The following LRP1B variants were observed in gnomAD, a reference collection of about 807,000 sequenced individuals.
LRP1B encodes the protein LDL receptor related protein 1B, also known as low-density lipoprotein receptor-related protein 1B.
Under a neutral mutation model 556.6 loss-of-function variants are expected in LRP1B, and 217 were observed. The ratio of observed to expected loss-of-function variants is 0.39; its 90% CI spans 0.35 to 0.44. The LOEUF is 0.44. Ranked by LOEUF, LRP1B falls within the 20% of genes least tolerant of loss-of-function variation. LRP1B has a pLI of 1.00. For missense variants in LRP1B, 5,053 were observed against 5,620.8 expected (o/e 0.90, Z 3.23); for synonymous variants, 2,047 against 1,865.8 (o/e 1.10, Z -2.50).
intron 41 of LRP1B, among the ~76,000 whole-genome samples, chr2:140,655,847 G>T (rs1001744858): frequency 6.6e-6 from 1 of 151,924 alleles, no homozygotes; most frequent in South Asian, 2.1e-4. Flanking sequence ...GGAAGCTGGC[G>T]CAGGAGAGTG....
intron 1 of LRP1B, among the ~76,000 whole-genome samples, chr2:142,094,152 A>T (rs1388324405): frequency 1.3e-5 from 2 of 152,058 alleles, no homozygotes; most frequent in Non-Finnish European, 2.9e-5. Context: ...GCCGTGACTT[A>T]ATCACCTGCC....
intron 2 of LRP1B, among the ~76,000 whole-genome samples, chr2:141,784,518 G>A (rs1411046864): frequency 6.6e-6 from 1 of 151,840 alleles, no homozygotes; most frequent in Non-Finnish European, 1.5e-5. Context: ...TTCCATATAA[G>A]AAGTGGGGTT....
In LRP1B at chr2:140,521,934, A is replaced by C. The variant is rs548898294; in HGVS notation, c.8026+3910T>G. Among the ~76,000 whole-genome samples the C allele has an allele frequency of 2.0e-5, 3 of 152,146 alleles. No individual in the cohort carries two copies. In the East Asian group the frequency reaches 5.8e-4, roughly 29 times the overall value. ...TAGAAAAAAATAAAGAAGAGCACCT[A>C]GATTCATAAAACTAGTACTTCTAGA... is the stretch of plus-strand genomic sequence containing the variant. On this transcript the variant is annotated intron_variant, in intron 49 of 90. Transcript: ENST00000389484.
chr2:140,328,898 A>T (rs1680642193), intron 79 of LRP1B, among the ~76,000 whole-genome samples: 1 of 152,000 alleles, frequency 6.6e-6, no homozygotes, highest in Admixed American at 6.6e-5. Flanking sequence ...ATTCATATCC[A>T]CTTTATTTAA....
chr2:141,151,147 T>C (rs770708005), intron 7 of LRP1B, among the ~76,000 whole-genome samples: 1 of 152,088 alleles, frequency 6.6e-6, no homozygotes, highest in Non-Finnish European at 1.5e-5. Context: ...AAAATAATGG[T>C]TTATTTCTAG....
At chr2:141,989,377 G>A in intron 1 of LRP1B, among the ~76,000 whole-genome samples, 1 of 151,204 alleles carries the variant, frequency 6.6e-6, no homozygotes, top group South Asian at 2.1e-4. Context: ...GAAAGTCAAG[G>A]GTCATCATTC....
chr2:142,019,251 T>C (rs1349381386), intron 1 of LRP1B, among the ~76,000 whole-genome samples: 1 of 152,208 alleles, frequency 6.6e-6, no homozygotes, highest in Admixed American at 6.5e-5. Flanking sequence ...TAGTCTAAAT[T>C]ATTGAAGAGG....
intron 44 of LRP1B, among the ~76,000 whole-genome samples, 157 bp from the exon 45 acceptor site, chr2:140,541,255 G>A (rs1363771125): frequency 6.6e-6 from 1 of 151,996 alleles, no homozygotes. Context: ...CATTCCTAAG[G>A]CTAAGTACAT....
At chr2:140,575,381 T>C (rs781528304) in intron 43 of LRP1B, among the ~76,000 whole-genome samples, 1 of 152,180 alleles carries the variant, frequency 6.6e-6, no homozygotes, top group Non-Finnish European at 1.5e-5. Context: ...ACATGAGTAA[T>C]CCATATAGAC....
chr2:141,692,561 CTTCCATTGCCCCTG>C (rs1558808089), intron 2 of LRP1B, among the ~76,000 whole-genome samples: 1 of 151,956 alleles, frequency 6.6e-6, no homozygotes, highest in Non-Finnish European at 1.5e-5. Flanking sequence ...AGCCTAAGGG[CTTCCATTGCCCCTG>C]TTCTTAACCT....
intron 3 of LRP1B, among the ~76,000 whole-genome samples, chr2:141,463,837 G>A (rs1383088999): frequency 5.7e-5 from 8 of 139,474 alleles, no homozygotes; most frequent in Non-Finnish European, 1.2e-4. Flanking sequence ...TATATAATTG[G>A]ATAATATTAC....
chr2:140,704,933 C>T (rs1057011112), intron 37 of LRP1B, among the ~76,000 whole-genome samples: 1 of 152,002 alleles, frequency 6.6e-6, no homozygotes, highest in African/African-American at 2.4e-5. Flanking sequence ...GTGTTTATTG[C>T]TATTAAAAGT....
At chr2:140,547,603 C>T (rs1355108490) in intron 43 of LRP1B, among the ~76,000 whole-genome samples, 1 of 151,552 alleles carries the variant, frequency 6.6e-6, no homozygotes, top group East Asian at 1.9e-4. Context: ...TTCAGAAAAC[C>T]AGCCCCTGGT....
At chr2:142,122,883 G>A (rs780345365) in intron 1 of LRP1B, among the ~76,000 whole-genome samples, 2 of 151,970 alleles carry the variant, frequency 1.3e-5, no homozygotes, top group Non-Finnish European at 2.9e-5. Context: ...TAAAAGCTTT[G>A]GAAATGCACA....
chr2:141,341,359 G>A (rs1688048108), intron 3 of LRP1B, among the ~76,000 whole-genome samples: 1 of 152,080 alleles, frequency 6.6e-6, no homozygotes, highest in African/African-American at 2.4e-5. Flanking sequence ...TAAAAACAAA[G>A]TTATGAAAAT....
chr2:141,812,492 G>C (rs192260331), intron 1 of LRP1B, among the ~76,000 whole-genome samples: 1 of 152,030 alleles, frequency 6.6e-6, no homozygotes, highest in Non-Finnish European at 1.5e-5. Flanking sequence ...GTTATGTGGA[G>C]AGGGGAAATG....
rs182540863 is a variant in LRP1B, at chr2:140,620,614, C to T, written c.6800-18975G>A. ...TTTTCTGTGGATATGTATTTAAGTT[C>T]CTATGTGTTAGAATCAATATGATGT... On this transcript the variant is annotated intron_variant, in intron 41 of 90. Coordinates refer to ENST00000389484, the MANE Select transcript of LRP1B (RefSeq NM_018557.3). Among the ~76,000 whole-genome samples, 375 of 151,966 alleles carry T rather than the reference C, an allele frequency of 2.5e-3. 2 individuals are homozygous for T. Among genetic ancestry groups the T allele is most frequent in the Non-Finnish European group, 3.9e-3 (266 of 67,962 alleles).
intron 65 of LRP1B, among the ~76,000 whole-genome samples, chr2:140,443,725 C>T (rs1202990050): frequency 2.0e-5 from 3 of 152,068 alleles, no homozygotes; most frequent in African/African-American, 7.2e-5. Context: ...TTTTGCCTTC[C>T]ATTTAACGTA....
intron 37 of LRP1B, among the ~76,000 whole-genome samples, chr2:140,714,407 T>G (rs117883780): frequency 6.6e-6 from 1 of 152,154 alleles, no homozygotes; most frequent in South Asian, 2.1e-4. Flanking sequence ...TGTGGAGAGA[T>G]AAGAGGTACT....
Sources: gnomAD v4.1 joint callset for allele counts (sites outside exome capture counted in the v4.1 genomes callset) on GRCh38, gnomAD v4.1.1 for gene constraint, MANE v1.5 for transcripts, NCBI Gene and HGNC (gene_info 2026-07-23, HGNC 2026-07-21) for gene names.